ABCB5: variants seen among roughly 807,000 people sequenced by gnomAD.
The protein encoded by ABCB5 is ATP-binding cassette sub-family B member 5.
Under a neutral mutation model 144.2 loss-of-function variants are expected in ABCB5, and 155 were observed. The ratio of observed to expected loss-of-function variants is 1.08; its 90% CI spans 0.94 to 1.23. The LOEUF is 1.23. ABCB5 is among the 50% of genes most tolerant of loss of function. ABCB5 has a pLI of 0.00. For synonymous variants in ABCB5, 610 were observed against 528.6 expected (o/e 1.15, Z -2.11); for missense variants, 1,830 against 1,520.8 (o/e 1.20, Z -3.38).
At position 20,720,485 on chromosome 7, in the gene ABCB5, C is replaced by T. The variant is rs150936810; in HGVS notation, c.2422-2531C>T. On this transcript the variant is annotated intron_variant, in intron 20 of 27. Coordinates refer to ENST00000404938, the MANE Select transcript of ABCB5 (RefSeq NM_001163941.2). ...ATGCCTGGAATGGGACCAATCAAAA[C>T]TGCGTGCCACTTGATAGGATGCAAT... is the stretch of plus-strand genomic sequence containing the variant. 1.1e-3 allele frequency among the ~76,000 whole-genome samples: 175 copies of T among 152,234 alleles called. 1 individual carries two copies. Among genetic ancestry groups the T allele is most frequent in the African/African-American group, 4.1e-3 (169 of 41,548 alleles).
At chr7:20,630,753 C>T (rs1462599140) in intron 4 of ABCB5, among the ~76,000 whole-genome samples, 2 of 152,066 alleles carry the variant, frequency 1.3e-5, no homozygotes, top group Non-Finnish European at 2.9e-5. Flanking sequence ...TCTGCTTGGG[C>T]GTATGCTTTT....
At chr7:20,748,759 G>T (rs948019116) in intron 26 of ABCB5, among the ~76,000 whole-genome samples, 9 of 151,870 alleles carry the variant, frequency 5.9e-5, no homozygotes, top group South Asian at 2.1e-4. Context: ...GTGTGAAAAT[G>T]GTGAAGCAAA....
Position 20,755,473 on chromosome 7 carries a change from T to C in ABCB5, c.3623T>C (p.Leu1208Pro), listed in dbSNP as rs1462003104. The C allele has an allele frequency of 6.2e-7, 1 of 1,614,212 alleles. No homozygotes were observed. Among genetic ancestry groups the C allele is most frequent in the Non-Finnish European group, 8.5e-7 (1 of 1,180,036 alleles). ...LDKARTGRTC[L>P]VVTHRLSAIQ... ...AAAGCCAGGACGGGAAGGACATGCC[T>C]AGTGGTCACTCACAGGCTCTCTGCA... Residue 1208 changes from leucine to proline, a missense_variant, in exon 28 of 28, where the codon CTA becomes CCA. Transcript: ENST00000404938.
chr7:20,646,677 G>T (rs1031325587), intron 9 of ABCB5, among the ~76,000 whole-genome samples: 5 of 152,130 alleles, frequency 3.3e-5, no homozygotes, highest in Admixed American at 2.0e-4. Flanking sequence ...AATTTATTCA[G>T]TTATCCTCTT....
Position 20,645,959 on chromosome 7 carries a change from A to C in ABCB5, c.804-2A>C. The C allele has an allele frequency of 6.2e-7, 1 of 1,611,888 alleles. No individual in the cohort carries two copies. The highest frequency in any genetic ancestry group is 8.5e-7 in the Non-Finnish European group (1 of 1,179,234). ...TACTAAGTTGTGTTCTGTTTTTGTA[A>C]GGTATACACAGAATCTCAAAGATGC... On this transcript the variant is annotated splice_acceptor_variant, in intron 8 of 27. Transcript: ENST00000404938. LOFTEE classifies it high-confidence loss of function.
At position 20,650,032 on chromosome 7, in the gene ABCB5, G is replaced by C. The variant is rs554780625; in HGVS notation, c.1217G>C (p.Gly406Ala). Residue 406 changes from glycine to alanine, a missense_variant, in exon 12 of 28, where the codon GGT becomes GCT. By Grantham distance (60) the Gly-to-Ala change is moderately conservative. Transcript: ENST00000404938. ...CATACATTCCAATAGATTCTGAAAG[G>C]TCTGAATCTCAGAATTAAGTCTGGA... ...PSRPSIKILK[G>A]LNLRIKSGET... The C allele has an allele frequency of 6.2e-7, 1 of 1,612,084 alleles. No homozygotes were observed. The highest frequency in any genetic ancestry group is 1.3e-5 in the African/African-American group (1 of 74,878).
At chr7:20,625,483 G>A (rs1783889219) in intron 2 of ABCB5, among the ~76,000 whole-genome samples, 2 of 152,114 alleles carry the variant, frequency 1.3e-5, no homozygotes, top group Non-Finnish European at 2.9e-5. Flanking sequence ...ACAAAGCTAA[G>A]AAATGAAATT....
intron 26 of ABCB5, among the ~76,000 whole-genome samples, chr7:20,747,905 T>A (rs1023246896): frequency 6.6e-6 from 1 of 152,130 alleles, no homozygotes; most frequent in African/African-American, 2.4e-5. Context: ...CTGGGGAGAA[T>A]AAGGCTGCCC....
At chr7:20,676,532 G>A (rs142692136) in intron 14 of ABCB5, among the ~76,000 whole-genome samples, 1 of 152,334 alleles carries the variant, frequency 6.6e-6, no homozygotes, top group East Asian at 1.9e-4. Flanking sequence ...TAAATGAGGT[G>A]TCTAAAACAG....
intron 23 of ABCB5, among the ~76,000 whole-genome samples, chr7:20,733,515 C>T (rs1562584876): frequency 6.6e-6 from 1 of 152,028 alleles, no homozygotes; most frequent in Admixed American, 6.6e-5. Flanking sequence ...GGACTGTTAA[C>T]ATAAGAGTAA....
intron 7 of ABCB5, among the ~76,000 whole-genome samples, chr7:20,644,767 A>G (rs948429393): frequency 6.6e-6 from 1 of 152,252 alleles, no homozygotes; most frequent in African/African-American, 2.4e-5. Context: ...ACAATATAGT[A>G]ATTCAACCAA....
chr7:20,690,731 T>C (rs1039753930), intron 16 of ABCB5, among the ~76,000 whole-genome samples: 1 of 152,068 alleles, frequency 6.6e-6, no homozygotes, highest in Non-Finnish European at 1.5e-5. Flanking sequence ...GACAGGGGAA[T>C]GAGAGTCAGG....
chr7:20,747,415 G>T (rs1437624534), intron 26 of ABCB5, among the ~76,000 whole-genome samples: 3 of 152,126 alleles, frequency 2.0e-5, no homozygotes, highest in Non-Finnish European at 4.4e-5. Context: ...ATGCCACCAT[G>T]CCTGGCTAAT....
At chr7:20,661,534 C>CTCTTTTTTTTTTTT (rs1406657803) in intron 14 of ABCB5, among the ~76,000 whole-genome samples, 8 of 132,426 alleles carry the variant, frequency 6.0e-5, no homozygotes, top group Admixed American at 3.0e-4. Context: ...TCTTTCTTTT[C>CTCTTTTTTTTTTTT]TTTTTCTTTT....
intron 26 of ABCB5, among the ~76,000 whole-genome samples, chr7:20,746,582 G>C (rs1782730750): frequency 6.6e-6 from 1 of 152,194 alleles, no homozygotes; most frequent in Non-Finnish European, 1.5e-5. Flanking sequence ...CCCCACTAGA[G>C]TGTAAGATCC....
At chr7:20,688,445 C>T (rs556435500) in intron 16 of ABCB5, among the ~76,000 whole-genome samples, 108 of 152,074 alleles carry the variant, frequency 7.1e-4, no homozygotes, top group African/African-American at 2.5e-3. Flanking sequence ...GTTAGAATGG[C>T]GATCATTAAA....
At chr7:20,730,149 T>C (rs1288636713) in intron 23 of ABCB5, among the ~76,000 whole-genome samples, 1 of 152,212 alleles carries the variant, frequency 6.6e-6, no homozygotes, top group African/African-American at 2.4e-5. Flanking sequence ...CAAAGCCACT[T>C]AGAAGTTTCC....
chr7:20,668,596 G>GC (rs1365767199), intron 14 of ABCB5, among the ~76,000 whole-genome samples: 2 of 143,412 alleles, frequency 1.4e-5, no homozygotes, highest in Admixed American at 6.8e-5. Flanking sequence ...GAGGTGGGGG[G>GC]GGGGGTCAGC....
Position 20,745,334 on chromosome 7 carries a change from G to A in ABCB5, c.3325G>A (p.Glu1109Lys), listed in dbSNP as rs377436901. 4.6e-5 allele frequency: 75 copies of A among 1,614,036 alleles called. No homozygotes were observed. Among genetic ancestry groups the A allele is most frequent in the Non-Finnish European group, 6.1e-5 (72 of 1,180,020 alleles). ...EPVLFNCSIAENIAYGDNSRV... is the reference protein window; with the variant it reads ...EPVLFNCSIAKNIAYGDNSRV... ...TGTGCTCTTCAACTGCAGCATTGCT[G>A]AGAACATCGCCTATGGTGACAACAG... is the stretch of plus-strand genomic sequence containing the variant. Residue 1109 changes from glutamate to lysine, a missense_variant, in exon 26 of 28, where the codon GAG becomes AAG. By Grantham distance (56) the Glu-to-Lys change is moderately conservative. Coordinates refer to ENST00000404938, the MANE Select transcript of ABCB5 (RefSeq NM_001163941.2).
Sources: gnomAD v4.1 joint callset for allele counts (sites outside exome capture counted in the v4.1 genomes callset) on GRCh38, gnomAD v4.1.1 for gene constraint, MANE v1.5 for transcripts, NCBI Gene and HGNC (gene_info 2026-07-23, HGNC 2026-07-21) for gene names.